EML6: variants seen among roughly 807,000 people sequenced by gnomAD.
EML6 encodes EMAP like 6, also known as echinoderm microtubule-associated protein-like 6.
A neutral mutation model predicts 240.1 loss-of-function variants in EML6; 154 were observed. The ratio of observed to expected loss-of-function variants is 0.64; its 90% confidence interval spans 0.56 to 0.73. The LOEUF (loss-of-function observed/expected upper bound fraction) is 0.73. EML6 is among the 30% of genes least tolerant of loss of function. The pLI, the probability that EML6 is intolerant of heterozygous loss-of-function variation, is 0.00. For synonymous variants in EML6, 1,148 were observed against 899.0 expected, an observed-to-expected ratio of 1.28 and a Z score of -4.95; for missense variants, 2,964 against 2,474.6, an observed-to-expected ratio of 1.20 and a Z score of -4.20.
At chr2:54,831,421 C>T (rs374113969) in intron 7 of EML6, among the ~76,000 whole-genome samples, 107 of 152,286 alleles carry the variant, frequency 7.0e-4, no homozygotes, top group African/African-American at 2.4e-3. Context: ...GGGACCAGTT[C>T]TGAATGAGGA....
Position 54,903,119 on chromosome 2 carries a change from T to C in EML6, c.3200T>C (p.Val1067Ala). 1 of 1,551,800 alleles carries C rather than the reference T, an allele frequency of 6.4e-7. No individual in the cohort carries two copies. The highest frequency in any genetic ancestry group is 1.4e-5 in the African/African-American group (1 of 73,172). Residue 1067 changes from valine to alanine, a missense_variant, in exon 23 of 42, where the codon GTA becomes GCA. Transcript: ENST00000356458. ...VGLNDGSFLV[V>A]NADTVEDMVS... is the part of the protein sequence containing the mutation. ...TTGAACGATGGGAGTTTCCTGGTGG[T>C]AAATGCTGACACTGTTGAAGACATG... is the stretch of plus-strand genomic sequence containing the variant.
intron 24 of EML6, among the ~76,000 whole-genome samples, chr2:54,907,162 C>T (rs1221659699): frequency 6.6e-6 from 1 of 152,156 alleles, no homozygotes; most frequent in Non-Finnish European, 1.5e-5. Flanking sequence ...AGGGTATTTT[C>T]TAAATGCTAC....
intron 6 of EML6, among the ~76,000 whole-genome samples, chr2:54,828,186 G>T (rs1325564956): frequency 6.6e-6 from 1 of 151,852 alleles, no homozygotes; most frequent in African/African-American, 2.4e-5. Context: ...TCTTGTATTG[G>T]TTGGTAAGAT....
At chr2:54,910,436 G>C (rs1165891264) in intron 24 of EML6, among the ~76,000 whole-genome samples, 1 of 152,210 alleles carries the variant, frequency 6.6e-6, no homozygotes, top group Non-Finnish European at 1.5e-5. Context: ...GTTCAAGTAA[G>C]ACCAGAGGGT....
intron 2 of EML6, among the ~76,000 whole-genome samples, chr2:54,765,636 A>C (rs1668153584): frequency 6.6e-6 from 1 of 151,928 alleles, no homozygotes; most frequent in African/African-American, 2.4e-5. Context: ...AGTTTTCTGT[A>C]TTTTTAGTAG....
intron 2 of EML6, among the ~76,000 whole-genome samples, chr2:54,736,252 C>G (rs939173719): frequency 3.3e-5 from 5 of 152,218 alleles, no homozygotes; most frequent in African/African-American, 1.2e-4. Flanking sequence ...TTAGGAAGAT[C>G]ATTGCAGGAG....
chr2:54,874,366 G>A lies in EML6; in HGVS notation c.2344+2761G>A, dbSNP rs1435846693. Among the ~76,000 whole-genome samples the A allele has an allele frequency of 7.2e-5, 11 of 152,318 alleles. No individual in the cohort carries two copies. The South Asian group carries it at 1.0e-3, about 14-fold the overall frequency. The stretch of plus-strand genomic sequence containing the variant: ...ATACTCTGGAGGAGGTGAGGAGCCC[G>A]ATTCTGTAACTGCTTCTGATTCCCA... On this transcript the variant is annotated intron_variant, in intron 16 of 41. Transcript: ENST00000356458.
intron 15 of EML6, 86 bp downstream of exon 15, chr2:54,869,453 C>A: frequency 1.9e-6 from 2 of 1,034,946 alleles, no homozygotes; most frequent in South Asian, 1.7e-5. Context: ...TCAAGAAATG[C>A]TTGGTAGAAA....
intron 17 of EML6, among the ~76,000 whole-genome samples, chr2:54,890,537 C>G (rs1293346902): frequency 6.6e-6 from 1 of 152,132 alleles, no homozygotes; most frequent in Non-Finnish European, 1.5e-5. Context: ...GACATCCTTT[C>G]TCTTTCCATA....
intron 26 of EML6, among the ~76,000 whole-genome samples, chr2:54,924,061 G>A (rs1163554522): frequency 6.6e-6 from 1 of 152,122 alleles, no homozygotes; most frequent in Admixed American, 6.5e-5. Flanking sequence ...TTTGGTTATA[G>A]TAAAGCTGCT....
intron 2 of EML6, among the ~76,000 whole-genome samples, chr2:54,778,080 T>A (rs922000293): frequency 2.0e-5 from 3 of 152,248 alleles, no homozygotes; most frequent in Non-Finnish European, 4.4e-5. Context: ...TTCTGTTTTT[T>A]CTTCAACTGT....
chr2:54,936,720 G>C (rs1332769074), intron 28 of EML6, among the ~76,000 whole-genome samples: 1 of 152,040 alleles, frequency 6.6e-6, no homozygotes, highest in Non-Finnish European at 1.5e-5. Context: ...ATGAATAAAT[G>C]AATGTTAGAC....
intron 29 of EML6, among the ~76,000 whole-genome samples, chr2:54,949,439 G>C (rs140834789): frequency 6.6e-6 from 1 of 152,260 alleles, no homozygotes; most frequent in Admixed American, 6.5e-5. Flanking sequence ...TTTTCCCGAC[G>C]AGGACGCTGT....
intron 7 of EML6, among the ~76,000 whole-genome samples, chr2:54,843,221 G>GT (rs973482570): frequency 6.6e-6 from 1 of 152,130 alleles, no homozygotes; most frequent in African/African-American, 2.4e-5. Flanking sequence ...ACATTCTACT[G>GT]TTTAAGACCA....
At chr2:54,781,833 C>A (rs1312549590) in intron 2 of EML6, among the ~76,000 whole-genome samples, 2 of 152,078 alleles carry the variant, frequency 1.3e-5, no homozygotes, top group African/African-American at 4.8e-5. Context: ...CCACGTCCCA[C>A]TAATTTTTTT....
chr2:54,905,920 C>T (rs916683580), intron 24 of EML6, among the ~76,000 whole-genome samples: 1 of 152,030 alleles, frequency 6.6e-6, no homozygotes, highest in African/African-American at 2.4e-5. Flanking sequence ...TTTTGCTTAT[C>T]TATTTGTTGA....
At chr2:54,901,311 A>G (rs1046093405) in intron 22 of EML6, among the ~76,000 whole-genome samples, 2 of 152,202 alleles carry the variant, frequency 1.3e-5, no homozygotes, top group South Asian at 4.1e-4. Flanking sequence ...CTGTCTTTAC[A>G]CTAGGCTCCT....
At chr2:54,856,288 A>G (rs899303364) in intron 11 of EML6, among the ~76,000 whole-genome samples, 1 of 152,178 alleles carries the variant, frequency 6.6e-6, no homozygotes, top group Non-Finnish European at 1.5e-5. Context: ...GGTAAAATCC[A>G]AGGCCTTGCT....
At chr2:54,928,884 C>T in intron 28 of EML6, 133 bp downstream of exon 28, 1 of 1,070,322 alleles carries the variant, frequency 9.3e-7, no homozygotes, top group Non-Finnish European at 1.4e-6. Flanking sequence ...AGAGTCTTCA[C>T]CTGTACACAG....
Sources: allele counts gnomAD v4.1 joint callset (sites outside exome capture counted in the v4.1 genomes callset), GRCh38; gene constraint gnomAD v4.1.1; transcripts MANE v1.5; gene names NCBI Gene and HGNC (gene_info 2026-07-23, HGNC 2026-07-21).